Variants in PHLPP2 observed in about 807,000 individuals in gnomAD.
The protein encoded by PHLPP2 is PH domain leucine-rich repeat-containing protein phosphatase 2.
PHLPP2 carries 66 observed loss-of-function variants against 124.9 expected under a neutral mutation model. That is an observed-to-expected ratio of 0.53 (90% CI 0.43 to 0.65). PHLPP2 has a LOEUF of 0.65. PHLPP2 is among the 30% of genes least tolerant of loss of function. The probability of loss-of-function intolerance (pLI) is 0.00; values close to 1 mark genes in which losing one functional copy is unlikely to be tolerated. For missense variants in PHLPP2, 1,685 were observed against 1,600.4 expected, an observed-to-expected ratio of 1.05 and a Z score of -0.90; for synonymous variants, 681 against 624.7, an observed-to-expected ratio of 1.09 and a Z score of -1.34.
chr16:71,697,833 T>G (rs1597011170), intron 3 of PHLPP2, among the ~76,000 whole-genome samples: 9 of 145,226 alleles, frequency 6.2e-5, no homozygotes, highest in Admixed American at 1.4e-4. Flanking sequence ...TTTTTTAAGG[T>G]GAACAGGAAG....
chr16:71,673,342 G>A (rs1251451779), intron 9 of PHLPP2, among the ~76,000 whole-genome samples: 1 of 152,150 alleles, frequency 6.6e-6, no homozygotes, highest in Non-Finnish European at 1.5e-5. Context: ...GGATTTTTAG[G>A]CCTTTCCATT....
chr16:71,660,695 C>A (rs1469568820), intron 13 of PHLPP2, among the ~76,000 whole-genome samples: 1 of 151,804 alleles, frequency 6.6e-6, no homozygotes, highest in Non-Finnish European at 1.5e-5. Flanking sequence ...TGAGCCACTG[C>A]GCCCGGCCTA....
intron 13 of PHLPP2, 65 bp downstream of exon 13, chr16:71,663,834 T>C: frequency 3.1e-6 from 4 of 1,285,840 alleles, no homozygotes; most frequent in Non-Finnish European, 4.5e-6. Context: ...ATGGCTATAT[T>C]TTTTCTGACA....
At chr16:71,658,450 C>A in intron 14 of PHLPP2, 87 bp from the exon 15 acceptor site, 1 of 1,293,862 alleles carries the variant, frequency 7.7e-7, no homozygotes, top group Non-Finnish European at 1.1e-6. Flanking sequence ...ACTATATCCC[C>A]AAAGAGGAAC....
At chr16:71,654,782 T>C (rs2044728109) in intron 17 of PHLPP2, among the ~76,000 whole-genome samples, 1 of 152,248 alleles carries the variant, frequency 6.6e-6, no homozygotes, top group South Asian at 2.1e-4. Context: ...CATCTGTATA[T>C]GGTTTTTGCC....
rs2145300482 is a variant in PHLPP2, at chr16:71,649,394, C to T, written c.3468G>A (p.Glu1156=). Residue 1156 remains glutamate, a synonymous_variant, in exon 19 of 19, where the codon GAG becomes GAA. Coordinates refer to ENST00000568954, the MANE Select transcript of PHLPP2 (RefSeq NM_015020.3). ...GLDSDDDQPV[E]GVITNGSKVE... is the part of the protein sequence containing the mutation. ...CCTTGCTGCCATTGGTTATGACCCC[C>T]TCAACGGGCTGGTCATCATCACTGT... The T allele has an allele frequency of 1.2e-6, 2 of 1,614,094 alleles. No individual in the cohort carries two copies. Among genetic ancestry groups the T allele is most frequent in the Non-Finnish European group, 1.7e-6 (2 of 1,179,992 alleles).
intron 18 of PHLPP2, among the ~76,000 whole-genome samples, chr16:71,652,291 T>TTTA (rs2044702185): frequency 6.6e-6 from 1 of 152,224 alleles, no homozygotes; most frequent in African/African-American, 2.4e-5. Context: ...AAAGTTCTTC[T>TTTA]GAAAGCAAAA....
intron 1 of PHLPP2, chr16:71,723,327 T>C (rs147174874): frequency 0.013 from 2,012 of 152,398 alleles, 18 homozygotes; most frequent in Non-Finnish European, 0.021. Flanking sequence ...GGGTGATGTC[T>C]TCAGGTGTCC....
chr16:71,648,623 T>G lies in PHLPP2; in HGVS notation c.*267A>C. On this transcript the variant is annotated 3_prime_UTR_variant, in exon 19 of 19. Transcript: ENST00000568954. ...CGTCTCTAAAAAAAAAAAATAAAAC[T>G]TAGCCGGGCATAATGGCAGGTGCCT... is the stretch of plus-strand genomic sequence containing the variant. The G allele has an allele frequency of 4.4e-6, 2 of 451,584 alleles. No homozygotes were observed. The highest frequency in any genetic ancestry group is 7.8e-6 in the Non-Finnish European group (2 of 255,776). The allele number at this position is 451,584 out of a possible 1,614,324, so 28.0% of individuals were successfully genotyped here.
In PHLPP2 at chr16:71,648,891, C is replaced by A; in HGVS notation, c.3971G>T (p.Ter1324LeuextTer20). 6.2e-7 allele frequency: 1 copy of A among 1,610,298 alleles called. No homozygotes were observed. Among genetic ancestry groups the A allele is most frequent in the Non-Finnish European group, 8.5e-7 (1 of 1,178,346 alleles). ...CCCACACTGTGCCCAGTGGGGCAGT[C>A]ATAGTGCTGTGTCGAACTCCTCCGG... The part of the protein sequence containing the change: ...EPPEEFDTAL[*>L] Residue 1324 changes from the stop codon to leucine (L), a stop_lost, in exon 19 of 19, where the codon TGA becomes TTA. Transcript: ENST00000568954.
intron 2 of PHLPP2, 100 bp from the exon 3 acceptor site, chr16:71,702,831 A>T (rs1263654450): frequency 1.4e-6 from 1 of 724,492 alleles, no homozygotes; most frequent in Middle Eastern, 4.1e-4. Flanking sequence ...CAGGGGTACA[A>T]GTGCTATTCT....
chr16:71,672,484 C>A lies in PHLPP2; in HGVS notation c.1472-162G>T, dbSNP rs114962727. ...ACTACTGAAAACTCACTTTGACTAA[C>A]TGATCCCAATTTGTCTTGAAAAACA... On this transcript the variant is annotated intron_variant, in intron 9 of 18. Transcript: ENST00000568954. Among the ~76,000 whole-genome samples the A allele has an allele frequency of 6.0e-3, 920 of 152,318 alleles. 12 individuals carry two copies. Among genetic ancestry groups the A allele is most frequent in the African/African-American group, 0.02 (812 of 41,566 alleles).
At chr16:71,695,712 GAAA>G (rs55695223) in intron 3 of PHLPP2, among the ~76,000 whole-genome samples, 18 of 121,876 alleles carry the variant, frequency 1.5e-4, no homozygotes, top group Admixed American at 4.0e-4. Flanking sequence ...CTCTGTCTCA[GAAA>G]AAAAAAAAAA....
intron 8 of PHLPP2, chr16:71,677,023 C>T (rs1349694613): frequency 8.4e-6 from 2 of 238,194 alleles, no homozygotes; most frequent in Non-Finnish European, 1.7e-5. Flanking sequence ...GGATTACAGG[C>T]ATGAGCCACC....
At chr16:71,684,682 A>T in intron 4 of PHLPP2, 81 bp from the exon 5 acceptor site, 1 of 1,326,394 alleles carries the variant, frequency 7.5e-7, no homozygotes, top group Non-Finnish European at 1.0e-6. Flanking sequence ...CACAAGACGA[A>T]CAACTGAATT....
chr16:71,721,315 A>G (rs1291761912), intron 1 of PHLPP2, among the ~76,000 whole-genome samples: 1 of 150,344 alleles, frequency 6.7e-6, no homozygotes, highest in South Asian at 2.1e-4. Flanking sequence ...CAAAAAAATA[A>G]TAACAATAAT....
At chr16:71,650,763 T>C (rs745542000) in intron 18 of PHLPP2, among the ~76,000 whole-genome samples, 12 of 152,170 alleles carry the variant, frequency 7.9e-5, no homozygotes, top group Non-Finnish European at 1.5e-4. Context: ...AATATCACAG[T>C]TGCAATCACC....
At chr16:71,711,052 G>A (rs776218780) in intron 2 of PHLPP2, among the ~76,000 whole-genome samples, 12 of 152,120 alleles carry the variant, frequency 7.9e-5, no homozygotes, top group Non-Finnish European at 1.0e-4. Flanking sequence ...TGATCCAGCC[G>A]GGCACGGTGG....
At chr16:71,655,499 C>CATT in intron 16 of PHLPP2, 65 bp from the exon 17 acceptor site, 1 of 1,115,574 alleles carries the variant, frequency 9.0e-7, no homozygotes, top group Non-Finnish European at 1.3e-6. Context: ...CTCCAGGGAG[C>CATT]ATTCTTTTTT....
Sources: gnomAD v4.1 joint callset for allele counts (sites outside exome capture counted in the v4.1 genomes callset) on GRCh38, gnomAD v4.1.1 for gene constraint, MANE v1.5 for transcripts, NCBI Gene and HGNC (gene_info 2026-07-23, HGNC 2026-07-21) for gene names.